Variants in STARD13 observed in about 807,000 individuals in gnomAD.
STARD13 encodes StAR related lipid transfer domain containing 13.
STARD13 carries 62 observed loss-of-function variants against 106.4 expected under a neutral mutation model. The observed-to-expected ratio is 0.58, with a 90% CI of 0.48 to 0.72. STARD13 has a LOEUF of 0.72. Among genes scored for constraint, STARD13 ranks in the 30% least tolerant of loss-of-function variants. The pLI is 0.00. For missense variants in STARD13, 1,387 were observed against 1,424.0 expected (o/e 0.97, Z 0.42); for synonymous variants, 565 against 553.0 (o/e 1.02, Z -0.31).
chr13:33,675,525 C>A, the STARD13 span, among the ~76,000 whole-genome samples: 1 of 152,072 alleles, frequency 6.6e-6, no homozygotes, highest in Non-Finnish European at 1.5e-5. Flanking sequence ...TGGGGACTTA[C>A]ATGGAAATAT....
intron 3 of STARD13, among the ~76,000 whole-genome samples, chr13:33,156,081 A>C (rs1381603765): frequency 2.0e-5 from 3 of 152,238 alleles, no homozygotes; most frequent in Non-Finnish European, 4.4e-5. Context: ...ATTACCATAA[A>C]ATTTCCATGG....
intron 7 of STARD13, among the ~76,000 whole-genome samples, chr13:33,125,740 A>G (rs1877061938): frequency 6.6e-6 from 1 of 152,204 alleles, no homozygotes; most frequent in African/African-American, 2.4e-5. Context: ...TGTGAAATCA[A>G]TGGTGGCACT....
chr13:33,649,344 G>T, the STARD13 span, among the ~76,000 whole-genome samples: 1 of 152,062 alleles, frequency 6.6e-6, no homozygotes, highest in Non-Finnish European at 1.5e-5. Flanking sequence ...CATTTTTCAG[G>T]TCTAAGCTCA....
At chr13:33,504,632 C>CA in the STARD13 span, among the ~76,000 whole-genome samples, 2 of 151,510 alleles carry the variant, frequency 1.3e-5, no homozygotes, top group Non-Finnish European at 2.9e-5. Flanking sequence ...AGAGGGATAA[C>CA]ATTAGGAGAT....
the STARD13 span, among the ~76,000 whole-genome samples, chr13:33,358,058 G>A: frequency 2.0e-5 from 3 of 152,030 alleles, no homozygotes; most frequent in Non-Finnish European, 4.4e-5. Flanking sequence ...TGGGCTTGGC[G>A]GGCCCCACAC....
chr13:33,468,696 TG>T, the STARD13 span, among the ~76,000 whole-genome samples: 1 of 152,156 alleles, frequency 6.6e-6, no homozygotes, highest in African/African-American at 2.4e-5. Context: ...AAGTTTCCAG[TG>T]TCCAGAATTT....
chr13:33,418,363 C>A, the STARD13 span, among the ~76,000 whole-genome samples: 1 of 152,242 alleles, frequency 6.6e-6, no homozygotes, highest in Non-Finnish European at 1.5e-5. Context: ...GATCAACCTG[C>A]AAGGCTGCAG....
chr13:33,293,760 C>T (rs1892380270), intron 1 of STARD13, among the ~76,000 whole-genome samples: 1 of 152,200 alleles, frequency 6.6e-6, no homozygotes, highest in Non-Finnish European at 1.5e-5. Flanking sequence ...AAAGGCGAGA[C>T]TGGCCTAGCC....
chr13:33,595,980 G>A, the STARD13 span, among the ~76,000 whole-genome samples: 1 of 152,106 alleles, frequency 6.6e-6, no homozygotes, highest in Non-Finnish European at 1.5e-5. Context: ...ATTGGATCTT[G>A]AGTATTTGTA....
chr13:33,351,741 A>T (rs945394983), upstream of STARD13, among the ~76,000 whole-genome samples: 1 of 152,242 alleles, frequency 6.6e-6, no homozygotes, highest in African/African-American at 2.4e-5. Flanking sequence ...AAGCTGCCAC[A>T]TAAGAACCAA....
chr13:33,247,612 A>G (rs1346423511), intron 1 of STARD13, among the ~76,000 whole-genome samples: 4 of 152,332 alleles, frequency 2.6e-5, no homozygotes, highest in Admixed American at 6.5e-5. Context: ...ACCAAATATA[A>G]TATCAAGTAC....
the STARD13 span, among the ~76,000 whole-genome samples, chr13:33,431,837 A>G: frequency 6.6e-6 from 1 of 152,232 alleles, no homozygotes; most frequent in Non-Finnish European, 1.5e-5. Flanking sequence ...TACCAAGAAC[A>G]TAAGTTGTTG....
chr13:33,432,613 A>G, the STARD13 span, among the ~76,000 whole-genome samples: 2 of 152,336 alleles, frequency 1.3e-5, no homozygotes, highest in South Asian at 4.1e-4. Flanking sequence ...AAAATTTTCT[A>G]TGGTACTATA....
chr13:33,163,643 TATATATATATAAAACATATATATATAAC>T (rs1566038611), intron 3 of STARD13, among the ~76,000 whole-genome samples: 647 of 39,072 alleles, frequency 0.017, 10 homozygotes, highest in African/African-American at 0.033. Flanking sequence ...ATATATAACA[TATATATATATAAAACATATATATATAAC>T]ATATATATAA....
chr13:33,616,050 C>T, the STARD13 span, among the ~76,000 whole-genome samples: 1,350 of 151,578 alleles, frequency 8.9e-3, 9 homozygotes, highest in Non-Finnish European at 0.014. Context: ...CTAGTTCTGT[C>T]GAGGAAGCCA....
chr13:33,481,557 C>T, the STARD13 span, among the ~76,000 whole-genome samples: 1 of 151,880 alleles, frequency 6.6e-6, no homozygotes. Flanking sequence ...AAAACACAAT[C>T]TAATTTCTTC....
chr13:33,167,540 G>C lies in STARD13; in HGVS notation c.241+11C>G, dbSNP rs1883465662. ...TTCTCTGTGTAAGAGCGAAGCGAAG[G>C]GCTGACGTACCCTCATATAACTGAG... On this transcript the variant is annotated intron_variant, in intron 2 of 13. Transcript: ENST00000336934. The C allele has an allele frequency of 6.2e-7, 1 of 1,613,750 alleles. No individual in the cohort carries two copies. The highest frequency in any genetic ancestry group is 8.5e-7 in the Non-Finnish European group (1 of 1,179,780).
At position 33,305,410 on chromosome 13, in the gene STARD13, C is replaced by T. The variant is rs540040666; in HGVS notation, c.124+44880G>A. 2.0e-5 allele frequency among the ~76,000 whole-genome samples: 3 copies of T among 152,188 alleles called. No individual in the cohort carries two copies. In the East Asian group the frequency reaches 5.8e-4, roughly 29 times the overall value. On this transcript the variant is annotated intron_variant, in intron 1 of 5. Transcript: ENST00000567873. ...ATCTTTTACATCTCCGTGTCCTCCA[C>T]GGTAACTAGCAGGACACTTTATACA...
intron 4 of STARD13, among the ~76,000 whole-genome samples, chr13:33,134,394 A>G (rs1878776441): frequency 6.6e-6 from 1 of 152,242 alleles, no homozygotes; most frequent in Non-Finnish European, 1.5e-5. Flanking sequence ...GGGTTGGACA[A>G]GCTTGCTACA....
Sources: allele counts gnomAD v4.1 joint callset (sites outside exome capture counted in the v4.1 genomes callset), GRCh38; gene constraint gnomAD v4.1.1; transcripts MANE v1.5; gene names NCBI Gene and HGNC (gene_info 2026-07-23, HGNC 2026-07-21).